Variants in PDE4D observed in about 807,000 individuals in gnomAD.
The protein encoded by PDE4D is phosphodiesterase 4D, also known as 3',5'-cyclic-AMP phosphodiesterase 4D.
PDE4D carries 24 observed loss-of-function variants against 87.4 expected under a neutral mutation model. The ratio of observed to expected loss-of-function variants is 0.27; its 90% CI spans 0.20 to 0.39. The LOEUF (loss-of-function observed/expected upper bound fraction) is 0.39, where lower values mean the gene tolerates loss of function less well. Ranked by LOEUF, PDE4D falls within the 10% of genes least tolerant of loss-of-function variation. The pLI is 1.00. For missense variants in PDE4D, 714 were observed against 1,041.0 expected (o/e 0.69, Z 4.32); for synonymous variants, 384 against 383.2 (o/e 1.00, Z -0.02).
intron 1 of PDE4D, among the ~76,000 whole-genome samples, chr5:60,313,651 A>G (rs1755253195): frequency 6.6e-6 from 1 of 152,244 alleles, no homozygotes; most frequent in African/African-American, 2.4e-5. Flanking sequence ...CATCAGGCCA[A>G]TATCCTTGAT....
At chr5:59,964,952 C>T (rs185247774) in intron 3 of PDE4D, among the ~76,000 whole-genome samples, 4 of 152,204 alleles carry the variant, frequency 2.6e-5, no homozygotes, top group African/African-American at 9.6e-5. Context: ...TTATACCATG[C>T]TCTATTTTGC....
At chr5:60,220,608 T>C (rs975318706) in intron 1 of PDE4D, among the ~76,000 whole-genome samples, 1 of 152,176 alleles carries the variant, frequency 6.6e-6, no homozygotes, top group Non-Finnish European at 1.5e-5. Flanking sequence ...TTATACTAAA[T>C]GACTTACAAT....
chr5:60,464,089 A>G (rs1185773689), intron 1 of PDE4D, among the ~76,000 whole-genome samples: 1 of 152,098 alleles, frequency 6.6e-6, no homozygotes, highest in African/African-American at 2.4e-5. Context: ...TTGTTAAATT[A>G]GTGATTCTCA....
chr5:60,125,073 T>C (rs1779010599), intron 2 of PDE4D, among the ~76,000 whole-genome samples: 1 of 152,188 alleles, frequency 6.6e-6, no homozygotes, highest in Non-Finnish European at 1.5e-5. Flanking sequence ...TTCCTATTTA[T>C]CTATGGTAAC....
At chr5:59,309,565 T>C (rs534591698) in intron 1 of PDE4D, among the ~76,000 whole-genome samples, 1 of 152,128 alleles carries the variant, frequency 6.6e-6, no homozygotes, top group Non-Finnish European at 1.5e-5. Flanking sequence ...GAGAGGAGGG[T>C]CTCCCTTTCC....
At chr5:60,519,213 C>T (rs951244140) in intron 1 of PDE4D, among the ~76,000 whole-genome samples, 1 of 152,172 alleles carries the variant, frequency 6.6e-6, no homozygotes, top group Non-Finnish European at 1.5e-5. Flanking sequence ...TGTGCACAGT[C>T]GTATTAAAGC....
chr5:60,040,309 C>T (rs1768324359), intron 2 of PDE4D, among the ~76,000 whole-genome samples: 1 of 152,168 alleles, frequency 6.6e-6, no homozygotes, highest in African/African-American at 2.4e-5. Flanking sequence ...AGGATGGGAG[C>T]TGTGGCTTGC....
chr5:59,422,239 T>C (rs1794595106), intron 1 of PDE4D, among the ~76,000 whole-genome samples: 2 of 152,178 alleles, frequency 1.3e-5, no homozygotes, highest in South Asian at 4.1e-4. Context: ...TCTGAGGAGC[T>C]GATTACCTTT....
chr5:59,462,383 C>T (rs1269068969), intron 1 of PDE4D, among the ~76,000 whole-genome samples: 1 of 151,870 alleles, frequency 6.6e-6, no homozygotes, highest in Admixed American at 6.6e-5. Flanking sequence ...AGTTGTTGGC[C>T]AAGCAGATGA....
chr5:59,888,293 C>T (rs1438808048), intron 1 of PDE4D, among the ~76,000 whole-genome samples: 2 of 152,164 alleles, frequency 1.3e-5, no homozygotes, highest in African/African-American at 2.4e-5. Context: ...TGCCCACCAC[C>T]TCCCATTTCC....
intron 3 of PDE4D, among the ~76,000 whole-genome samples, chr5:59,924,675 G>C (rs878881336): frequency 6.6e-6 from 1 of 151,856 alleles, no homozygotes; most frequent in African/African-American, 2.4e-5. Flanking sequence ...AAGTTGATAT[G>C]TCATCAACAA....
chr5:59,506,560 A>G (rs79049894), intron 1 of PDE4D, among the ~76,000 whole-genome samples: 1 of 152,288 alleles, frequency 6.6e-6, no homozygotes, highest in East Asian at 1.9e-4. Flanking sequence ...TAAAAATTTG[A>G]AGAGAAGAAG....
intron 1 of PDE4D, among the ~76,000 whole-genome samples, chr5:59,591,670 G>A (rs948610722): frequency 1.5e-4 from 23 of 152,104 alleles, no homozygotes; most frequent in Non-Finnish European, 3.4e-4. Context: ...TTTTTGGAAA[G>A]TCTCCATTCT....
At chr5:59,952,254 A>G (rs1758370321) in intron 3 of PDE4D, among the ~76,000 whole-genome samples, 2 of 152,188 alleles carry the variant, frequency 1.3e-5, no homozygotes, top group South Asian at 4.2e-4. Context: ...AACTGTGTCA[A>G]TTAACCCTCT....
At chr5:59,805,986 C>A (rs2152672160) in intron 1 of PDE4D, among the ~76,000 whole-genome samples, 1 of 152,318 alleles carries the variant, frequency 6.6e-6, no homozygotes, top group African/African-American at 2.4e-5. Context: ...TGCTTCTTTG[C>A]CCCTCTCCCA....
intron 1 of PDE4D, among the ~76,000 whole-genome samples, chr5:60,197,608 T>C (rs1198920882): frequency 6.6e-6 from 1 of 151,478 alleles, no homozygotes; most frequent in Non-Finnish European, 1.5e-5. Context: ...GCGGCTTCAG[T>C]AGAACAACTT....
intron 1 of PDE4D, among the ~76,000 whole-genome samples, chr5:59,412,415 A>G (rs1792841136): frequency 3.3e-5 from 5 of 152,206 alleles, no homozygotes; most frequent in Admixed American, 2.6e-4. Context: ...TGCGGTAGTT[A>G]CACATCCACA....
At chr5:59,331,724 C>T (rs573867081) in intron 1 of PDE4D, among the ~76,000 whole-genome samples, 7 of 152,242 alleles carry the variant, frequency 4.6e-5, no homozygotes, top group South Asian at 4.2e-4. Context: ...GCCTGTTGCC[C>T]CATGTTAAAT....
chr5:59,603,477 T>C (rs1418995484), intron 1 of PDE4D, among the ~76,000 whole-genome samples: 1 of 151,984 alleles, frequency 6.6e-6, no homozygotes, highest in African/African-American at 2.4e-5. Flanking sequence ...ATGGCTATTA[T>C]CAGAAAGTCA....
Sources: allele counts gnomAD v4.1 joint callset (sites outside exome capture counted in the v4.1 genomes callset), GRCh38; gene constraint gnomAD v4.1.1; transcripts MANE v1.5; gene names NCBI Gene and HGNC (gene_info 2026-07-23, HGNC 2026-07-21).